AGAP9: variants seen among roughly 807,000 people sequenced by gnomAD.
The protein encoded by AGAP9 is ArfGAP with GTPase domain, ankyrin repeat and PH domain 9.
In AGAP9, 23 loss-of-function variants were observed where a neutral mutation model predicts 55.6. That is an observed-to-expected ratio of 0.41 (90% CI 0.30 to 0.59). The LOEUF (loss-of-function observed/expected upper bound fraction) is 0.59, where lower values mean the gene tolerates loss of function less well. AGAP9 is among the 20% of genes least tolerant of loss of function. The probability of loss-of-function intolerance (pLI) is 0.25; values close to 1 mark genes in which losing one functional copy is unlikely to be tolerated. For missense variants in AGAP9, 309 were observed against 808.1 expected (o/e 0.38, Z 7.49); for synonymous variants, 120 against 305.0 (o/e 0.39, Z 6.32).
At chr10:47,514,397 C>G (rs1313642797) in intron 4 of AGAP9, among the ~76,000 whole-genome samples, 1 of 143,846 alleles carries the variant, frequency 7.0e-6, no homozygotes, top group Non-Finnish European at 1.5e-5. Context: ...CTCTTTCCTA[C>G]GTGGGAGCTA....
rs1197649791 is a variant in AGAP9, at chr10:47,506,372, C to A, written c.533+1176G>T. The stretch of plus-strand genomic sequence containing the variant: ...TTGAGACAGAGTCTCTCTCTGTCAC[C>A]CAGGCTGGGGTGCAATGGCAAGATC... On this transcript the variant is annotated intron_variant, in intron 6 of 7. Transcript: ENST00000452145. Among the ~76,000 whole-genome samples, 25 of 139,804 alleles carry A rather than the reference C, an allele frequency of 1.8e-4. 2 individuals are homozygous for A. In the South Asian group the frequency reaches 2.1e-3, roughly 12 times the overall value. 91.7% of individuals were successfully genotyped at this position (139,804 alleles called of 152,430 possible). A position where few individuals can be genotyped will look rare whatever the true frequency, so the allele number is the denominator to read the frequency against.
At chr10:47,514,179 T>C (rs1840685045) in intron 4 of AGAP9, among the ~76,000 whole-genome samples, 1 of 144,172 alleles carries the variant, frequency 6.9e-6, no homozygotes, top group African/African-American at 2.6e-5. Context: ...AAATTACAAT[T>C]ACAAAAATAT....
intron 2 of AGAP9, among the ~76,000 whole-genome samples, chr10:47,521,469 C>T (rs1233759577): frequency 3.6e-5 from 5 of 139,966 alleles, no homozygotes; most frequent in Non-Finnish European, 7.7e-5. Context: ...AATTATCCTA[C>T]CTCTTTAAAA....
chr10:47,510,112 AT>A (rs1482825646), intron 5 of AGAP9, 58 bp downstream of exon 5: 1 of 1,290,112 alleles, frequency 7.8e-7, no homozygotes, highest in African/African-American at 1.7e-5. Context: ...GGACAACCAA[AT>A]GGCTGAAATA....
At chr10:47,511,129 G>C (rs1297352144) in intron 4 of AGAP9, among the ~76,000 whole-genome samples, 8 of 131,322 alleles carry the variant, frequency 6.1e-5, no homozygotes, top group Non-Finnish European at 1.1e-4. Context: ...ATTTTTAGTA[G>C]AGACGGGGTT....
At position 47,502,453 on chromosome 10, in the gene AGAP9, G is replaced by A. The variant is rs1240674319; in HGVS notation, c.1676C>T (p.Thr559Met). The change falls in exon 8 of 8, where the codon ACG becomes ATG. Residue 559 changes from threonine (T) to methionine (M), a missense_variant. Transcript: ENST00000452145. ...QGQTKPSIKS[T>M]REEKEWWIRS... ...GATCCACCATTCCTTCTCTTCCCTC[G>A]TGGACTTTATTGAGGGTTTTGTCTG... 3.1e-5 allele frequency: 50 copies of A among 1,612,540 alleles called. No individual in the cohort carries two copies. Among genetic ancestry groups the A allele is most frequent in the African/African-American group, 1.1e-4 (8 of 74,658 alleles).
chr10:47,514,191 G>A (rs1210722300), intron 4 of AGAP9, among the ~76,000 whole-genome samples: 27 of 145,998 alleles, frequency 1.8e-4, no homozygotes, highest in Non-Finnish European at 2.8e-4. Context: ...CAAAAATATG[G>A]AACCAGCCCA....
intron 5 of AGAP9, among the ~76,000 whole-genome samples, chr10:47,507,799 G>A (rs1840514591): frequency 9.4e-6 from 1 of 106,924 alleles, no homozygotes; most frequent in African/African-American, 3.6e-5. Context: ...TAGAAGACGC[G>A]TTTCTGTTGG....
At chr10:47,507,521 AACAAG>A (rs1840508066) in intron 6 of AGAP9, 22 bp downstream of exon 6, 1 of 1,518,152 alleles carries the variant, frequency 6.6e-7, no homozygotes. Flanking sequence ...TAGCTAGAAT[AACAAG>A]ACAGGTTTCT....
chr10:47,521,625 T>C (rs1393581581), intron 2 of AGAP9, among the ~76,000 whole-genome samples: 1 of 145,606 alleles, frequency 6.9e-6, no homozygotes, highest in Non-Finnish European at 1.5e-5. Flanking sequence ...AAAATTTCAG[T>C]TTTTATTCAA....
chr10:47,508,073 G>C (rs1326739891), intron 5 of AGAP9, among the ~76,000 whole-genome samples: 4 of 133,630 alleles, frequency 3.0e-5, no homozygotes, highest in Admixed American at 2.4e-4. Context: ...TTTTTTTTTG[G>C]GGGGGTGGTG....
At position 47,502,147 on chromosome 10, in the gene AGAP9, G is replaced by T; in HGVS notation, c.*5C>A. The T allele has an allele frequency of 6.4e-7, 1 of 1,569,676 alleles. No homozygotes were observed. Reference sequence around the variant, plus strand: ...ACTCCTGGCTGGAGGCCTGCCGGGCGTAGGTCAGCGCTGTGTTCCCGTGGG... The same window carrying T: ...ACTCCTGGCTGGAGGCCTGCCGGGCTTAGGTCAGCGCTGTGTTCCCGTGGG... On this transcript the variant is annotated 3_prime_UTR_variant, in exon 8 of 8. Transcript: ENST00000452145.
In AGAP9 at chr10:47,503,188, G is replaced by T. The variant is rs1840394348; in HGVS notation, c.941C>A (p.Thr314Asn). The T allele has an allele frequency of 4.7e-5, 75 of 1,604,642 alleles. No homozygotes were observed. The South Asian group carries it at 8.2e-4, about 17-fold the overall frequency. Reference protein sequence around the residue: ...YVTLCSNGVLTYYSSLGDYMK... With the variant: ...YVTLCSNGVLNYYSSLGDYMK... ...ATAATCACCTAAGCTTGAATAATAG[G>T]TGAGCACGCCATTGGAACACAGGGT... Residue 314 changes from threonine to asparagine, a missense_variant, in exon 8 of 8, where the codon ACC becomes AAC. Thr to Asn is a moderately conservative substitution (Grantham distance 65, BLOSUM62 0). Coordinates refer to ENST00000452145, the MANE Select transcript of AGAP9 (RefSeq NM_001190810.1).
At chr10:47,519,150 A>C (rs1420426082) in intron 3 of AGAP9, among the ~76,000 whole-genome samples, 4 of 137,100 alleles carry the variant, frequency 2.9e-5, no homozygotes, top group Non-Finnish European at 4.6e-5. Context: ...GTAATAAGCA[A>C]ATTCTCATTA....
intron 4 of AGAP9, among the ~76,000 whole-genome samples, chr10:47,510,917 T>G (rs1222736894): frequency 7.6e-6 from 1 of 130,930 alleles, no homozygotes; most frequent in Non-Finnish European, 1.6e-5. Flanking sequence ...AGAATTTCTA[T>G]TAATTAATTA....
At chr10:47,516,077 C>A (rs1840710652) in intron 4 of AGAP9, among the ~76,000 whole-genome samples, 1 of 111,562 alleles carries the variant, frequency 9.0e-6, no homozygotes, top group Non-Finnish European at 1.8e-5. Context: ...CAGAATATCC[C>A]AGAACTAGAA....
intron 4 of AGAP9, among the ~76,000 whole-genome samples, chr10:47,511,326 C>T (rs1252856245): frequency 1.4e-5 from 2 of 142,516 alleles, no homozygotes; most frequent in South Asian, 2.2e-4. Context: ...GAATACAAGA[C>T]TAATGCATTT....
chr10:47,522,167 ACT>A (rs1171944545), intron 2 of AGAP9, among the ~76,000 whole-genome samples: 2 of 140,958 alleles, frequency 1.4e-5, no homozygotes, highest in Non-Finnish European at 3.1e-5. Flanking sequence ...GGCAACAAAC[ACT>A]CTTACAGGGA....
In AGAP9 at chr10:47,502,420, T is replaced by G. The variant is rs1307737722; in HGVS notation, c.1709A>C (p.Lys570Thr). 1.9e-6 allele frequency: 3 copies of G among 1,610,888 alleles called. No homozygotes were observed. The African/African-American group carries it at 4.1e-5, about 22-fold the overall frequency. ...REEKEWWIRS[K>T]YEEKLFLAPL... ...GGCCAGAAAGAGCTTCTCCTCATAT[T>G]TGGAACGGATCCACCATTCCTTCTC... is the stretch of plus-strand genomic sequence containing the variant. The change falls in exon 8 of 8, where the codon AAA becomes ACA. Residue 570 changes from lysine (K) to threonine (T), a missense_variant. Lys to Thr is a moderately conservative substitution (Grantham distance 78). Transcript: ENST00000452145.
Sources: gnomAD v4.1 joint callset for allele counts (sites outside exome capture counted in the v4.1 genomes callset) on GRCh38, gnomAD v4.1.1 for gene constraint, MANE v1.5 for transcripts, NCBI Gene and HGNC (gene_info 2026-07-23, HGNC 2026-07-21) for gene names.